The following WDPCP variants were observed in gnomAD, a reference collection of about 807,000 sequenced individuals.
The protein encoded by WDPCP is WD repeat containing planar cell polarity effector.
Under a neutral mutation model 93.1 loss-of-function variants are expected in WDPCP, and 71 were observed. That is an observed-to-expected ratio of 0.76 (90% CI 0.63 to 0.93). The LOEUF (loss-of-function observed/expected upper bound fraction) is 0.93. Among genes scored for constraint, WDPCP ranks in the 40% least tolerant of loss-of-function variants. The pLI, the probability that WDPCP is intolerant of heterozygous loss-of-function variation, is 0.00. For missense variants in WDPCP, 844 were observed against 887.4 expected, an observed-to-expected ratio of 0.95 and a Z score of 0.62; for synonymous variants, 315 against 315.0, an observed-to-expected ratio of 1.00 and a Z score of 0.00.
intron 2 of WDPCP, among the ~76,000 whole-genome samples, chr2:63,807,255 G>C (rs1670781245): frequency 6.6e-6 from 1 of 152,226 alleles, no homozygotes; most frequent in African/African-American, 2.4e-5. Flanking sequence ...GGGGTCTAGA[G>C]GAAGGTGTTG....
intron 2 of WDPCP, among the ~76,000 whole-genome samples, chr2:63,805,981 G>A (rs762455475): frequency 3.9e-5 from 6 of 152,192 alleles, no homozygotes; most frequent in East Asian, 3.9e-4. Flanking sequence ...TTAGCCAGGC[G>A]TGGTGGTGAG....
intron 3 of WDPCP, chr2:63,622,066 CT>C (rs33925505): frequency 0.38 from 198,199 of 524,686 alleles, 17,589 homozygotes; most frequent in African/African-American, 0.55. Context: ...TTTCTTTTTT[CT>C]TTTTTTTTTT....
intron 3 of WDPCP, among the ~76,000 whole-genome samples, chr2:63,636,776 A>T (rs1157755647): frequency 1.3e-5 from 2 of 152,226 alleles, no homozygotes; most frequent in African/African-American, 4.8e-5. Context: ...CCACACATGT[A>T]CAGTCGACCA....
At chr2:63,342,696 T>C (rs1688930635) in intron 12 of WDPCP, among the ~76,000 whole-genome samples, 2 of 152,246 alleles carry the variant, frequency 1.3e-5, no homozygotes, top group Admixed American at 1.3e-4. Flanking sequence ...ATATATATTG[T>C]ATCCCCATTT....
chr2:63,197,665 T>G (rs1675550182), intron 14 of WDPCP, among the ~76,000 whole-genome samples: 1 of 152,248 alleles, frequency 6.6e-6, no homozygotes, highest in Non-Finnish European at 1.5e-5. Context: ...ATTATGGAAA[T>G]TTCAACATAT....
chr2:63,238,512 A>C (rs371861659), intron 14 of WDPCP, among the ~76,000 whole-genome samples: 2 of 152,320 alleles, frequency 1.3e-5, no homozygotes, highest in East Asian at 3.9e-4. Flanking sequence ...TGAAATATGA[A>C]TATAGATCAT....
chr2:63,760,958 A>C (rs981887842), intron 2 of WDPCP, among the ~76,000 whole-genome samples: 1 of 152,186 alleles, frequency 6.6e-6, no homozygotes, highest in East Asian at 1.9e-4. Flanking sequence ...TACTGGGTTT[A>C]CTACTAGGCT....
chr2:63,642,475 T>TC (rs886901134), intron 3 of WDPCP: 2 of 151,606 alleles, frequency 1.3e-5, no homozygotes, highest in African/African-American at 4.8e-5. Flanking sequence ...TTTTTTTTTT[T>TC]TGGTGTCATC....
intron 17 of WDPCP, among the ~76,000 whole-genome samples, chr2:63,136,176 C>A (rs72813410): frequency 0.033 from 5,083 of 152,152 alleles, 97 homozygotes; most frequent in Admixed American, 0.066. Context: ...CTCTCTCTCT[C>A]TCTATATATA....
intron 9 of WDPCP, among the ~76,000 whole-genome samples, chr2:63,417,102 G>A (rs1260110048): frequency 6.6e-6 from 1 of 152,194 alleles, no homozygotes; most frequent in Non-Finnish European, 1.5e-5. Context: ...GGGGACAGGA[G>A]CACTGAGTAA....
chr2:63,272,113 C>T (rs768270603), intron 13 of WDPCP, among the ~76,000 whole-genome samples: 10 of 152,054 alleles, frequency 6.6e-5, no homozygotes, highest in Non-Finnish European at 1.2e-4. Context: ...ATCCAGCCCA[C>T]CACCACCACC....
At chr2:63,709,286 G>C (rs1393578449) in intron 2 of WDPCP, among the ~76,000 whole-genome samples, 1 of 151,964 alleles carries the variant, frequency 6.6e-6, no homozygotes, top group African/African-American at 2.4e-5. Flanking sequence ...CTGCACTCTA[G>C]CCTGGGTAAC....
intron 2 of WDPCP, among the ~76,000 whole-genome samples, chr2:63,743,571 C>G (rs948327454): frequency 6.6e-6 from 1 of 152,084 alleles, no homozygotes; most frequent in Non-Finnish European, 1.5e-5. Flanking sequence ...ATGTAGACTT[C>G]TCAAATAATT....
intron 1 of WDPCP, among the ~76,000 whole-genome samples, chr2:63,526,059 G>GTC (rs1703317545): frequency 6.7e-6 from 1 of 150,246 alleles, no homozygotes; most frequent in African/African-American, 2.4e-5. Flanking sequence ...TTGCTACTGT[G>GTC]TGTGTGTGTG....
At chr2:63,235,667 A>G (rs1029939229) in intron 14 of WDPCP, among the ~76,000 whole-genome samples, 1 of 152,174 alleles carries the variant, frequency 6.6e-6, no homozygotes, top group African/African-American at 2.4e-5. Flanking sequence ...AGCAGGCTTT[A>G]TTTCTGGGAT....
intron 9 of WDPCP, among the ~76,000 whole-genome samples, chr2:63,405,690 T>C (rs954723930): frequency 1.3e-5 from 2 of 151,786 alleles, no homozygotes; most frequent in Admixed American, 6.6e-5. Context: ...ATCTTTGGTA[T>C]AGAAAGGAAA....
rs189270623 is a variant in WDPCP, at chr2:63,536,243, C to T, written c.76-43303G>A. Reference sequence around the variant, plus strand: ...TCTTGGAGAGGCTGTGGAGAAATAACGCTTTTACACTGTTGGTGGGAATGT... The same window carrying T: ...TCTTGGAGAGGCTGTGGAGAAATAATGCTTTTACACTGTTGGTGGGAATGT... On this transcript the variant is annotated intron_variant, in intron 1 of 17. Transcript: ENST00000272321. Among the ~76,000 whole-genome samples the T allele has an allele frequency of 1.8e-3, 273 of 151,752 alleles. 1 individual carries two copies. The highest frequency in any genetic ancestry group is 3.5e-3 in the Admixed American group (54 of 15,246).
chr2:63,548,438 C>G (rs1444176303), intron 1 of WDPCP, among the ~76,000 whole-genome samples: 1 of 151,928 alleles, frequency 6.6e-6, no homozygotes, highest in Non-Finnish European at 1.5e-5. Context: ...TAAATCTACT[C>G]TTAGTTTCCT....
intron 13 of WDPCP, among the ~76,000 whole-genome samples, chr2:63,296,865 G>T (rs1684905863): frequency 6.6e-6 from 1 of 152,088 alleles, no homozygotes; most frequent in Non-Finnish European, 1.5e-5. Flanking sequence ...TGACCACACA[G>T]CCCAAAGCAA....
Sources: allele counts gnomAD v4.1 joint callset (sites outside exome capture counted in the v4.1 genomes callset), GRCh38; gene constraint gnomAD v4.1.1; transcripts MANE v1.5; gene names NCBI Gene and HGNC (gene_info 2026-07-23, HGNC 2026-07-21).